SPTLC3: variants seen among roughly 807,000 people sequenced by gnomAD.
The protein encoded by SPTLC3 is serine palmitoyltransferase 3.
In SPTLC3, 36 loss-of-function variants were observed where a neutral mutation model predicts 59.3. The ratio of observed to expected loss-of-function variants is 0.61; its 90% CI spans 0.47 to 0.80. SPTLC3 has a LOEUF of 0.80. SPTLC3 is among the 30% of genes least tolerant of loss of function. The pLI, the probability that SPTLC3 is intolerant of heterozygous loss-of-function variation, is 0.00. For synonymous variants in SPTLC3, 257 were observed against 240.8 expected, an observed-to-expected ratio of 1.07 and a Z score of -0.62; for missense variants, 625 against 685.1, an observed-to-expected ratio of 0.91 and a Z score of 0.98.
intron 1 of SPTLC3, among the ~76,000 whole-genome samples, chr20:13,019,937 T>C (rs1985780164): frequency 6.6e-6 from 1 of 152,224 alleles, no homozygotes; most frequent in Non-Finnish European, 1.5e-5. Flanking sequence ...TACTTTCTAA[T>C]GAAAATTAAT....
chr20:13,090,576 A>G (rs1473442512), intron 4 of SPTLC3, among the ~76,000 whole-genome samples: 1 of 152,196 alleles, frequency 6.6e-6, no homozygotes, highest in Non-Finnish European at 1.5e-5. Flanking sequence ...AAAGTGCACC[A>G]GTCATAGGTA....
intron 4 of SPTLC3, among the ~76,000 whole-genome samples, chr20:13,076,401 C>G (rs547000477): frequency 6.6e-6 from 1 of 152,182 alleles, no homozygotes; most frequent in Admixed American, 6.5e-5. Context: ...AATTGGAAAG[C>G]TAGAAGTTCA....
rs1187994057 is a variant in SPTLC3 at position 13,167,330 on chromosome 20, A to T, written c.*2463A>T. On this transcript the variant is annotated 3_prime_UTR_variant, in exon 12 of 12. Transcript: ENST00000399002. ...ATTATATCATCAACCATTACCCTCT[A>T]CATCACCGCCCCGACCTTAGCTCTA... is the stretch of plus-strand genomic sequence containing the variant. 1 of 145,766 alleles carries T rather than the reference A, an allele frequency of 6.9e-6. No homozygotes were observed. Among genetic ancestry groups the T allele is most frequent in the Non-Finnish European group, 1.6e-5 (1 of 64,326 alleles). The allele number at this position is 145,766 out of a possible 1,614,324, so 9.0% of individuals were successfully genotyped here. A position where few individuals can be genotyped will look rare whatever the true frequency, so the allele number is the denominator to read the frequency against.
At chr20:13,132,245 C>T (rs1005840005) in intron 9 of SPTLC3, among the ~76,000 whole-genome samples, 1 of 144,216 alleles carries the variant, frequency 6.9e-6, no homozygotes, top group South Asian at 2.2e-4. Flanking sequence ...GGTGCCATCT[C>T]GGCTCACTGC....
At chr20:13,104,334 C>A (rs1199670548) in intron 6 of SPTLC3, among the ~76,000 whole-genome samples, 2 of 152,068 alleles carry the variant, frequency 1.3e-5, no homozygotes, top group African/African-American at 2.4e-5. Flanking sequence ...ATTATGGGGG[C>A]GGTTCCCCCT....
In SPTLC3 at chr20:13,110,194, C is replaced by A. The variant is rs772735010; in HGVS notation, c.909C>A (p.Leu303=). The change falls in exon 7 of 12, where the codon CTC becomes CTA. Residue 303 remains leucine (L), a synonymous_variant. Coordinates refer to ENST00000399002, the MANE Select transcript of SPTLC3 (RefSeq NM_018327.4). The part of the protein sequence containing the change: ...PRTRRAWKKI[L]ILVEGVYSME... ...CCCGCAGAGCTTGGAAAAAGATTCTCATCCTGGTGGAGGGTGTCTACAGGT... is the reference window on the plus strand; with the variant it reads ...CCCGCAGAGCTTGGAAAAAGATTCTAATCCTGGTGGAGGGTGTCTACAGGT... 11 of 1,613,518 alleles carry A rather than the reference C, an allele frequency of 6.8e-6. No individual in the cohort carries two copies. Among genetic ancestry groups the A allele is most frequent in the Non-Finnish European group, 9.3e-6 (11 of 1,179,760 alleles).
intron 9 of SPTLC3, among the ~76,000 whole-genome samples, chr20:13,143,974 T>C (rs1170891273): frequency 6.6e-6 from 1 of 152,202 alleles, no homozygotes; most frequent in African/African-American, 2.4e-5. Context: ...CTATACACTA[T>C]GAGCTTTGTC....
At chr20:13,038,043 T>C (rs1986811566) in intron 1 of SPTLC3, among the ~76,000 whole-genome samples, 1 of 149,276 alleles carries the variant, frequency 6.7e-6, no homozygotes, top group South Asian at 2.1e-4. Flanking sequence ...GAGAAAATCA[T>C]GAATATATAT....
At chr20:13,080,061 C>T (rs1243887299) in intron 4 of SPTLC3, among the ~76,000 whole-genome samples, 6 of 152,078 alleles carry the variant, frequency 3.9e-5, no homozygotes, top group South Asian at 2.1e-4. Flanking sequence ...ACAAGGTTAA[C>T]AAAGGTAAAA....
At chr20:13,093,662 TCAAGGTGA>T in intron 6 of SPTLC3, 85 bp downstream of exon 6, 1 of 1,266,194 alleles carries the variant, frequency 7.9e-7, no homozygotes, top group Non-Finnish European at 1.1e-6. Context: ...GTTCTGCTCT[TCAAGGTGA>T]CAACGTAGCC....
intron 2 of SPTLC3, among the ~76,000 whole-genome samples, chr20:13,060,371 G>A (rs1987912248): frequency 7.7e-6 from 1 of 129,440 alleles, no homozygotes; most frequent in Non-Finnish European, 1.6e-5. Flanking sequence ...GAAGGCAAGA[G>A]CTAAAGTTAT....
intron 1 of SPTLC3, among the ~76,000 whole-genome samples, chr20:13,020,251 C>A (rs1341000843): frequency 6.6e-6 from 1 of 151,518 alleles, no homozygotes; most frequent in Non-Finnish European, 1.5e-5. Flanking sequence ...GTGGCTCATG[C>A]CTATAGTTCT....
rs1296009544 is a variant in SPTLC3 at position 13,165,537 on chromosome 20, C to A, written c.*670C>A. On this transcript the variant is annotated 3_prime_UTR_variant, in exon 12 of 12. Transcript: ENST00000399002. ...TTGCTGGTCTCCTACAGTTTTACAG[C>A]TGAGCTTTTGAGGTTTGGAAAATTC... 2 of 152,212 alleles carry A rather than the reference C, an allele frequency of 1.3e-5. No homozygotes were observed. Among genetic ancestry groups the A allele is most frequent in the African/African-American group, 2.4e-5 (1 of 41,458 alleles). 9.4% of individuals were successfully genotyped at this position (152,212 alleles called of 1,614,324 possible).
chr20:13,091,125 A>T lies in SPTLC3; in HGVS notation c.650A>T (p.Lys217Met). ...AAGGAGTTGGAGGACCTTGTGGCTA[A>T]GTTCCTGAATGTGGAAGCAGCTATG... is the stretch of plus-strand genomic sequence containing the variant. Reference protein sequence around the residue: ...KHKELEDLVAKFLNVEAAMVF... With the variant: ...KHKELEDLVAMFLNVEAAMVF... The change falls in exon 5 of 12, where the codon AAG becomes ATG. Residue 217 changes from lysine to methionine, a missense_variant. Transcript: ENST00000399002. 1 of 1,614,064 alleles carries T rather than the reference A, an allele frequency of 6.2e-7. No individual in the cohort carries two copies. Among genetic ancestry groups the T allele is most frequent in the Non-Finnish European group, 8.5e-7 (1 of 1,179,922 alleles).
chr20:13,138,719 A>G (rs567965458), intron 9 of SPTLC3, among the ~76,000 whole-genome samples: 4 of 152,314 alleles, frequency 2.6e-5, no homozygotes, highest in African/African-American at 7.2e-5. Context: ...GGGTGCATGC[A>G]TAGGTCAAAC....
At chr20:13,077,614 T>C (rs1401194800) in intron 4 of SPTLC3, among the ~76,000 whole-genome samples, 2 of 152,044 alleles carry the variant, frequency 1.3e-5, no homozygotes, top group Non-Finnish European at 2.9e-5. Flanking sequence ...GTTGTGTACA[T>C]AGAGGAAAAT....
At chr20:13,142,563 T>G (rs1385297732) in intron 9 of SPTLC3, among the ~76,000 whole-genome samples, 1 of 152,188 alleles carries the variant, frequency 6.6e-6, no homozygotes, top group Non-Finnish European at 1.5e-5. Flanking sequence ...AGATTGTATT[T>G]GCTTTCTATT....
At chr20:13,041,041 A>G (rs545369063) in intron 1 of SPTLC3, among the ~76,000 whole-genome samples, 9 of 152,212 alleles carry the variant, frequency 5.9e-5, no homozygotes, top group Admixed American at 2.6e-4. Context: ...TAACATTTTT[A>G]CTATAATATG....
chr20:13,096,138 G>T (rs754244118), intron 6 of SPTLC3, among the ~76,000 whole-genome samples: 11 of 152,212 alleles, frequency 7.2e-5, no homozygotes, highest in South Asian at 2.1e-4. Context: ...TGTTAGCAAG[G>T]CTATGGAGCC....
Sources: allele counts gnomAD v4.1 joint callset (sites outside exome capture counted in the v4.1 genomes callset), GRCh38; gene constraint gnomAD v4.1.1; transcripts MANE v1.5; gene names NCBI Gene and HGNC (gene_info 2026-07-23, HGNC 2026-07-21).